SLC25A21: variants seen among roughly 807,000 people sequenced by gnomAD.
SLC25A21 encodes the protein mitochondrial 2-oxodicarboxylate carrier.
SLC25A21 carries 47 observed loss-of-function variants against 43.8 expected under a neutral mutation model. The ratio of observed to expected loss-of-function variants is 1.07; its 90% CI spans 0.85 to 1.37. The LOEUF is 1.37. Ranked by LOEUF, SLC25A21 falls within the 40% of genes most tolerant of loss-of-function variation. The pLI, the probability that SLC25A21 is intolerant of heterozygous loss-of-function variation, is 0.00. For synonymous variants in SLC25A21, 131 were observed against 121.3 expected, an observed-to-expected ratio of 1.08 and a Z score of -0.52; for missense variants, 352 against 350.2, an observed-to-expected ratio of 1.00 and a Z score of -0.04.
intron 1 of SLC25A21, among the ~76,000 whole-genome samples, chr14:37,066,413 G>C (rs1197564346): frequency 1.3e-5 from 2 of 152,126 alleles, no homozygotes; most frequent in African/African-American, 2.4e-5. Context: ...TGGCACTGGA[G>C]AGGAATAAAA....
intron 1 of SLC25A21, among the ~76,000 whole-genome samples, chr14:36,903,612 C>CAAA (rs1891454093): frequency 1.4e-4 from 1 of 7,272 alleles, no homozygotes; most frequent in Non-Finnish European, 2.8e-4. Flanking sequence ...GACTCCGTCT[C>CAAA]AGAAAAAAAA....
chr14:37,024,863 A>G (rs1386803632), intron 1 of SLC25A21, among the ~76,000 whole-genome samples: 1 of 152,102 alleles, frequency 6.6e-6, no homozygotes, highest in East Asian at 1.9e-4. Flanking sequence ...GGAGAAAAAA[A>G]GGTTTTTATT....
intron 1 of SLC25A21, among the ~76,000 whole-genome samples, chr14:36,875,369 A>G (rs1417311389): frequency 6.6e-6 from 1 of 152,154 alleles, no homozygotes; most frequent in Non-Finnish European, 1.5e-5. Flanking sequence ...GAAAAGAAGG[A>G]AGAGCAGGAG....
intron 6 of SLC25A21, among the ~76,000 whole-genome samples, chr14:36,719,853 A>G (rs1884305046): frequency 6.6e-6 from 1 of 152,202 alleles, no homozygotes; most frequent in African/African-American, 2.4e-5. Flanking sequence ...GTACAGGATC[A>G]GAGAGGAGAG....
chr14:36,847,019 C>T (rs887641105), intron 2 of SLC25A21, among the ~76,000 whole-genome samples: 4 of 152,198 alleles, frequency 2.6e-5, no homozygotes, highest in African/African-American at 7.2e-5. Flanking sequence ...AGTCTTTATT[C>T]TACTCAATGT....
intron 1 of SLC25A21, among the ~76,000 whole-genome samples, chr14:37,019,535 G>C (rs1362276806): frequency 6.6e-6 from 1 of 151,760 alleles, no homozygotes; most frequent in African/African-American, 2.4e-5. Context: ...TGGGAGCTCT[G>C]GGGCATGCCT....
In SLC25A21 at chr14:36,680,524, AT is replaced by A; in HGVS notation, c.*133del. 7.4e-7 allele frequency: 1 copy of A among 1,352,726 alleles called. No homozygotes were observed. Among genetic ancestry groups the A allele is most frequent in the East Asian group, 2.7e-5 (1 of 37,474 alleles). 83.8% of individuals were successfully genotyped at this position (1,352,726 alleles called of 1,614,324 possible). ...GTTGCCTATAGACATTTTTTAAAGT[AT>A]TAAAATAGATTTTGTTCTTGAACAG... is the stretch of plus-strand genomic sequence containing the variant. On this transcript the variant is annotated 3_prime_UTR_variant, in exon 10 of 10. Coordinates refer to ENST00000331299, the MANE Select transcript of SLC25A21 (RefSeq NM_030631.4).
intron 1 of SLC25A21, among the ~76,000 whole-genome samples, chr14:37,056,360 G>A (rs1961827249): frequency 6.6e-6 from 1 of 151,806 alleles, no homozygotes; most frequent in Admixed American, 6.6e-5. Context: ...CGAGGTGGCG[G>A]GCGCCTGTAG....
chr14:37,055,940 G>A (rs1417409368), intron 1 of SLC25A21, among the ~76,000 whole-genome samples: 2 of 143,606 alleles, frequency 1.4e-5, no homozygotes, highest in Admixed American at 1.4e-4. Context: ...GGTGAGGCCT[G>A]GTGGGAGGTG....
At chr14:36,979,333 T>TTTTG (rs1566787801) in intron 1 of SLC25A21, among the ~76,000 whole-genome samples, 136 of 128,900 alleles carry the variant, frequency 1.1e-3, no homozygotes, top group African/African-American at 4.6e-3. Context: ...GTTTTTTTGG[T>TTTTG]TTTTTTTTTT....
intron 7 of SLC25A21, among the ~76,000 whole-genome samples, chr14:36,692,658 A>C (rs1882840584): frequency 6.6e-6 from 1 of 152,190 alleles, no homozygotes. Context: ...TGCCAGAAGA[A>C]GGAGGTTAAG....
chr14:36,916,428 A>G (rs1365727770), intron 1 of SLC25A21, among the ~76,000 whole-genome samples: 1 of 152,214 alleles, frequency 6.6e-6, no homozygotes, highest in Non-Finnish European at 1.5e-5. Context: ...AAAGCTATCC[A>G]TACTGTTTTA....
chr14:37,144,837 T>C (rs1446616611), intron 1 of SLC25A21, among the ~76,000 whole-genome samples: 2 of 152,146 alleles, frequency 1.3e-5, no homozygotes, highest in Non-Finnish European at 2.9e-5. Flanking sequence ...TTCACCATAT[T>C]GCCCATGCTG....
At chr14:37,052,769 G>C (rs1961737130) in intron 1 of SLC25A21, among the ~76,000 whole-genome samples, 2 of 152,064 alleles carry the variant, frequency 1.3e-5, no homozygotes, top group South Asian at 4.1e-4. Context: ...CTCCAGAGTA[G>C]CTGGAATTAC....
intron 1 of SLC25A21, among the ~76,000 whole-genome samples, chr14:36,998,464 T>C (rs1209317271): frequency 1.3e-5 from 2 of 152,086 alleles, no homozygotes; most frequent in Non-Finnish European, 2.9e-5. Flanking sequence ...GAATAAATAA[T>C]CCACTTGGAA....
chr14:37,068,184 G>A (rs909314889), intron 1 of SLC25A21, among the ~76,000 whole-genome samples: 2 of 152,206 alleles, frequency 1.3e-5, no homozygotes, highest in African/African-American at 2.4e-5. Flanking sequence ...AAGGAGCTCC[G>A]AAGGATTTTA....
At chr14:37,081,104 T>A (rs2138838277) in intron 1 of SLC25A21, among the ~76,000 whole-genome samples, 2 of 152,310 alleles carry the variant, frequency 1.3e-5, no homozygotes, top group Middle Eastern at 6.8e-3. Flanking sequence ...TTACTACCAA[T>A]GACATTATAA....
chr14:36,717,521 G>C (rs953844862), intron 6 of SLC25A21, among the ~76,000 whole-genome samples: 7 of 152,202 alleles, frequency 4.6e-5, no homozygotes, highest in Non-Finnish European at 8.8e-5. Context: ...GCCAGCCCTG[G>C]AGGAGCACGG....
At chr14:36,909,306 C>A (rs1206738241) in intron 1 of SLC25A21, among the ~76,000 whole-genome samples, 1 of 151,820 alleles carries the variant, frequency 6.6e-6, no homozygotes, top group Non-Finnish European at 1.5e-5. Context: ...GGGGATGAGA[C>A]CCTCCAGGGT....
Sources: gnomAD v4.1 joint callset for allele counts (sites outside exome capture counted in the v4.1 genomes callset) on GRCh38, gnomAD v4.1.1 for gene constraint, MANE v1.5 for transcripts, NCBI Gene and HGNC (gene_info 2026-07-23, HGNC 2026-07-21) for gene names.